NSG1: variants seen among roughly 807,000 people sequenced by gnomAD.
NSG1 encodes the protein neuronal vesicle trafficking-associated protein 1.
NSG1 carries 9 observed loss-of-function variants against 19.3 expected under a neutral mutation model. The ratio of observed to expected loss-of-function variants is 0.47; its 90% CI spans 0.28 to 0.81. The LOEUF (loss-of-function observed/expected upper bound fraction) is 0.81. NSG1 is among the 40% of genes least tolerant of loss of function. NSG1 has a pLI of 0.11. For missense variants in NSG1, 236 were observed against 242.4 expected (o/e 0.97, Z 0.18); for synonymous variants, 104 against 107.0 (o/e 0.97, Z 0.17).
intron 4 of NSG1, among the ~76,000 whole-genome samples, chr4:4,414,663 T>C (rs1307785425): frequency 1.3e-5 from 2 of 152,210 alleles, no homozygotes; most frequent in African/African-American, 4.8e-5. Flanking sequence ...TGGATGCTGT[T>C]ATATCCCCAT....
chr4:4,390,596 T>C (rs1003697039), intron 2 of NSG1, among the ~76,000 whole-genome samples: 4 of 152,176 alleles, frequency 2.6e-5, no homozygotes, highest in African/African-American at 9.7e-5. Context: ...CTGTCTCTAG[T>C]GCAACAGCCT....
chr4:4,404,881 C>A (rs890506873), intron 3 of NSG1, among the ~76,000 whole-genome samples: 12 of 152,088 alleles, frequency 7.9e-5, no homozygotes, highest in African/African-American at 2.9e-4. Flanking sequence ...GGGGGCCTGG[C>A]CAGGGCTTTG....
intron 3 of NSG1, among the ~76,000 whole-genome samples, chr4:4,398,056 G>C (rs1723358174): frequency 6.6e-6 from 1 of 152,174 alleles, no homozygotes; most frequent in Non-Finnish European, 1.5e-5. Context: ...CCAGGTTCAA[G>C]TGATTCTCCT....
At chr4:4,400,025 G>A (rs555123748) in intron 3 of NSG1, among the ~76,000 whole-genome samples, 51 of 152,298 alleles carry the variant, frequency 3.3e-4, no homozygotes, top group African/African-American at 1.2e-3. Flanking sequence ...CCAGGGGTTC[G>A]GGACCCCTGA....
chr4:4,399,266 T>C (rs932008208), intron 3 of NSG1, among the ~76,000 whole-genome samples: 1 of 152,044 alleles, frequency 6.6e-6, no homozygotes, highest in Non-Finnish European at 1.5e-5. Flanking sequence ...CCTCAGCCCC[T>C]GGAGTAGCTG....
At chr4:4,397,275 G>A (rs1348206209) in intron 3 of NSG1, among the ~76,000 whole-genome samples, 2 of 151,900 alleles carry the variant, frequency 1.3e-5, no homozygotes, top group East Asian at 1.9e-4. Context: ...TGGCGCCATC[G>A]ACCCAGTGCA....
intron 3 of NSG1, among the ~76,000 whole-genome samples, chr4:4,402,448 C>G (rs1316852200): frequency 8.1e-6 from 1 of 123,462 alleles, no homozygotes; most frequent in Non-Finnish European, 1.6e-5. Context: ...AGTGCAGTGG[C>G]GGGATCTCGG....
rs1269104515 is a variant in NSG1, at chr4:4,418,996, T to A, written c.*1561T>A. 1 of 152,238 alleles carries A rather than the reference T, an allele frequency of 6.6e-6. No homozygotes were observed. The highest frequency in any genetic ancestry group is 2.4e-5 in the African/African-American group (1 of 41,448). 9.4% of individuals were successfully genotyped at this position (152,238 alleles called of 1,614,324 possible). On this transcript the variant is annotated 3_prime_UTR_variant, in exon 5 of 5. Coordinates refer to ENST00000621129, the MANE Select transcript of NSG1 (RefSeq NM_014392.5). ...CCAGGTAGACGTGGACTTTATTGAC[T>A]GTGAATTCATTTACATGTAACTTCT...
At chr4:4,408,783 T>TCGTCCCTGCCAGGCTCCCTGG (rs1724002084) in intron 3 of NSG1, among the ~76,000 whole-genome samples, 1 of 152,152 alleles carries the variant, frequency 6.6e-6, no homozygotes, top group Non-Finnish European at 1.5e-5. Flanking sequence ...AGACATACTC[T>TCGTCCCTGCCAGGCTCCCTGG]CGTCCCTGCC....
intron 3 of NSG1, among the ~76,000 whole-genome samples, chr4:4,405,240 CCT>C (rs1723786769): frequency 1.3e-5 from 2 of 152,164 alleles, no homozygotes; most frequent in African/African-American, 4.8e-5. Context: ...CTCACGCGGC[CCT>C]CTCCCTATAT....
Position 4,387,705 on chromosome 4 carries a change from C to T in NSG1, c.76C>T (p.Pro26Ser), listed in dbSNP as rs142822048. 5,285 of 1,613,476 alleles carry T rather than the reference C, an allele frequency of 3.3e-3. 25 individuals are homozygous for T. Among genetic ancestry groups the T allele is most frequent in the South Asian group, 7.3e-3 (663 of 91,068 alleles). Reference protein sequence around the residue: ...PLLEDGFDTIPLMTPLDVNQL... With the variant: ...PLLEDGFDTISLMTPLDVNQL... Reference sequence around the variant, plus strand: ...GCTGGAGGATGGCTTCGACACCATTCCCCTGATGACGCCCCTCGATGTCAA... The same window carrying T: ...GCTGGAGGATGGCTTCGACACCATTTCCCTGATGACGCCCCTCGATGTCAA... Residue 26 changes from proline (P) to serine (S), a missense_variant, in exon 2 of 5, where the codon CCC becomes TCC. Pro to Ser is a moderately conservative substitution (Grantham distance 74, BLOSUM62 -1). Transcript: ENST00000621129.
intron 3 of NSG1, among the ~76,000 whole-genome samples, chr4:4,404,907 G>A (rs1285532046): frequency 1.3e-5 from 2 of 151,188 alleles, no homozygotes; most frequent in African/African-American, 4.9e-5. Flanking sequence ...CAAGGAGAGA[G>A]GGCAGGGCAG....
At chr4:4,399,698 C>T (rs1723447881) in intron 3 of NSG1, among the ~76,000 whole-genome samples, 1 of 151,958 alleles carries the variant, frequency 6.6e-6, no homozygotes, top group Admixed American at 6.5e-5. Flanking sequence ...GATAGCGGTC[C>T]CCAACCTTTT....
At chr4:4,402,381 T>A (rs1560143268) in intron 3 of NSG1, among the ~76,000 whole-genome samples, 1 of 84,816 alleles carries the variant, frequency 1.2e-5, no homozygotes, top group Non-Finnish European at 2.0e-5. Context: ...ATTTTTTTTT[T>A]TTTTTTTTTT....
intron 3 of NSG1, among the ~76,000 whole-genome samples, chr4:4,399,993 T>A (rs1355979853): frequency 6.6e-6 from 1 of 152,226 alleles, no homozygotes; most frequent in Non-Finnish European, 1.5e-5. Flanking sequence ...TAACAGGCCA[T>A]GGACTGGTAC....
intron 4 of NSG1, among the ~76,000 whole-genome samples, chr4:4,410,253 C>G (rs1332781702): frequency 6.6e-6 from 1 of 152,186 alleles, no homozygotes; most frequent in Non-Finnish European, 1.5e-5. Context: ...GAAATGCTCG[C>G]TTTGCATATA....
intron 4 of NSG1, among the ~76,000 whole-genome samples, chr4:4,410,070 G>T (rs534611705): frequency 7.9e-5 from 12 of 152,330 alleles, no homozygotes; most frequent in African/African-American, 2.9e-4. Context: ...CCACATGAAA[G>T]AGGAGAGGAT....
intron 2 of NSG1, 66 bp from the exon 3 acceptor site, chr4:4,391,409 A>AC (rs1005521865): frequency 6.5e-5 from 70 of 1,071,792 alleles, no homozygotes; most frequent in Non-Finnish European, 6.9e-6. Flanking sequence ...GAGTTCCCAG[A>AC]CCCACCCTCT....
At chr4:4,409,439 T>C (rs7654880) in intron 3 of NSG1, 134 bp from the exon 4 acceptor site, 568,869 of 676,926 alleles carry the variant, frequency 0.84, 240,869 homozygotes, top group East Asian at 1. Flanking sequence ...CTCTTGTGCC[T>C]AGCTGCCCTT....
Sources: gnomAD v4.1 joint callset for allele counts (sites outside exome capture counted in the v4.1 genomes callset) on GRCh38, gnomAD v4.1.1 for gene constraint, MANE v1.5 for transcripts, NCBI Gene and HGNC (gene_info 2026-07-23, HGNC 2026-07-21) for gene names.